The following KYNU variants were observed in gnomAD, a reference collection of about 807,000 sequenced individuals.
The protein encoded by KYNU is kynureninase, also known as L-kynurenine hydrolase.
A neutral mutation model predicts 59.2 loss-of-function variants in KYNU; 54 were observed. The observed-to-expected ratio is 0.91, with a 90% CI of 0.73 to 1.14. The LOEUF (loss-of-function observed/expected upper bound fraction) is 1.14. Ranked by LOEUF, KYNU falls within the 50% of genes most tolerant of loss-of-function variation. The pLI is 0.00. For missense variants in KYNU, 567 were observed against 554.4 expected (o/e 1.02, Z -0.23); for synonymous variants, 177 against 192.0 (o/e 0.92, Z 0.65).
At chr2:142,932,802 G>A (rs1303344698) in intron 4 of KYNU, among the ~76,000 whole-genome samples, 7 of 152,074 alleles carry the variant, frequency 4.6e-5, no homozygotes, top group South Asian at 4.1e-4. Context: ...GCATGCCGGC[G>A]TCCTTGCTGT....
At chr2:143,041,269 T>C (rs1687036705) in intron 13 of KYNU, among the ~76,000 whole-genome samples, 1 of 152,050 alleles carries the variant, frequency 6.6e-6, no homozygotes, top group African/African-American at 2.4e-5. Context: ...CCAATGATTA[T>C]GTAATTAAGG....
At chr2:143,029,584 C>A in intron 10 of KYNU, 43 bp from the exon 11 acceptor site, 3 of 1,377,206 alleles carry the variant, frequency 2.2e-6, no homozygotes, top group Non-Finnish European at 3.1e-6. Flanking sequence ...AGACTCCATC[C>A]AAAAAAACCC....
chr2:143,040,001 G>A (rs1290738855), intron 12 of KYNU, among the ~76,000 whole-genome samples: 1 of 152,046 alleles, frequency 6.6e-6, no homozygotes, highest in Non-Finnish European at 1.5e-5. Flanking sequence ...TAAGGCCCAG[G>A]GAAAGCCTAG....
In KYNU at chr2:142,986,783, C is replaced by G. The variant is rs529633478; in HGVS notation, c.902+762C>G. On this transcript the variant is annotated intron_variant, in intron 10 of 13. Transcript: ENST00000264170. ...GTGTGGTGAGGAGACTGTCTAGACT[C>G]CTAATAGATAATGTAATAATGTTTG... 2.0e-5 allele frequency among the ~76,000 whole-genome samples: 3 copies of G among 151,424 alleles called. No individual in the cohort carries two copies. In the South Asian group the frequency reaches 6.3e-4, roughly 32 times the overall value.
intron 10 of KYNU, among the ~76,000 whole-genome samples, chr2:142,986,284 G>GCCAC (rs1167688055): frequency 7.2e-5 from 11 of 151,818 alleles, no homozygotes; most frequent in Non-Finnish European, 1.2e-4. Flanking sequence ...AAAGCGGATG[G>GCCAC]TTTAATGCAA....
intron 2 of KYNU, among the ~76,000 whole-genome samples, chr2:142,899,865 C>T (rs551900311): frequency 6.6e-6 from 1 of 152,124 alleles, no homozygotes; most frequent in Non-Finnish European, 1.5e-5. Context: ...TTTGAAAAGG[C>T]CTGGTCCAGT....
chr2:143,044,138 A>G lies in KYNU; in HGVS notation c.*1966A>G, dbSNP rs1687127632. The G allele has an allele frequency of 6.6e-6, 1 of 152,140 alleles. No homozygotes were observed. Among genetic ancestry groups the G allele is most frequent in the African/African-American group, 2.4e-5 (1 of 41,416 alleles). 9.4% of individuals were successfully genotyped at this position (152,140 alleles called of 1,614,324 possible). ...GCTGAGAATGATGGTTTCCAGCTTC[A>G]TCCATGTCCCTGCAAAGGACATGAA... is the stretch of plus-strand genomic sequence containing the variant. On this transcript the variant is annotated 3_prime_UTR_variant, in exon 14 of 14. Coordinates refer to ENST00000264170, the MANE Select transcript of KYNU (RefSeq NM_003937.3).
intron 2 of KYNU, among the ~76,000 whole-genome samples, chr2:142,905,400 C>T (rs925015562): frequency 6.6e-6 from 1 of 152,162 alleles, no homozygotes; most frequent in Non-Finnish European, 1.5e-5. Context: ...TTAATGAATA[C>T]CCATTGTGGT....
Position 143,047,844 on chromosome 2 carries a change from C to A in KYNU, c.*5672C>A. The A allele has an allele frequency of 6.6e-6, 1 of 150,758 alleles. No individual in the cohort carries two copies. Among genetic ancestry groups the A allele is most frequent in the Non-Finnish European group, 1.5e-5 (1 of 68,944 alleles). 9.3% of individuals were successfully genotyped at this position (150,758 alleles called of 1,614,324 possible). On this transcript the variant is annotated 3_prime_UTR_variant, in exon 14 of 14. Coordinates refer to ENST00000264170, the MANE Select transcript of KYNU (RefSeq NM_003937.3). ...CCATTACAGGCATAAGCTGCCACTCCTGGACCTCTTTTTTTTTTTTTTTTT... is the reference window on the plus strand; with the variant it reads ...CCATTACAGGCATAAGCTGCCACTCATGGACCTCTTTTTTTTTTTTTTTTT...
chr2:142,946,124 C>T (rs901062751), intron 4 of KYNU, among the ~76,000 whole-genome samples: 15 of 151,888 alleles, frequency 9.9e-5, no homozygotes, highest in African/African-American at 3.6e-4. Flanking sequence ...TGCTCTGTCA[C>T]ACAGGCTGGA....
intron 3 of KYNU, among the ~76,000 whole-genome samples, chr2:142,923,299 T>G (rs1005890708): frequency 3.9e-5 from 6 of 152,236 alleles, no homozygotes; most frequent in Non-Finnish European, 7.3e-5. Context: ...GCATTTTCAT[T>G]TTCAACTCTA....
intron 4 of KYNU, among the ~76,000 whole-genome samples, chr2:142,945,507 T>G (rs1683742121): frequency 1.3e-5 from 2 of 152,212 alleles, no homozygotes; most frequent in Non-Finnish European, 2.9e-5. Flanking sequence ...TCTGCAATTA[T>G]TTCCTCCACC....
intron 10 of KYNU, among the ~76,000 whole-genome samples, 168 bp downstream of exon 10, chr2:142,986,189 CT>C (rs1272881053): frequency 2.0e-5 from 3 of 151,948 alleles, no homozygotes; most frequent in African/African-American, 7.2e-5. Flanking sequence ...GAAATACATG[CT>C]TTCCAAAGAA....
chr2:143,042,366 G>T lies in KYNU; in HGVS notation c.*194G>T. 7.3e-6 allele frequency: 4 copies of T among 549,664 alleles called. No individual in the cohort carries two copies. The highest frequency in any genetic ancestry group is 3.2e-5 in the Admixed American group (1 of 31,064). 34.0% of individuals were successfully genotyped at this position (549,664 alleles called of 1,614,324 possible). On this transcript the variant is annotated 3_prime_UTR_variant, in exon 14 of 14. Transcript: ENST00000264170. ...CTAAGGAGTCCACAGGGCTGCCTAG[G>T]TGCTTTGTGTTTGGGGGACCAAAAC...
intron 7 of KYNU, 59 bp downstream of exon 7, chr2:142,957,774 AT>A (rs1224335506): frequency 9.2e-7 from 1 of 1,089,188 alleles, no homozygotes; most frequent in African/African-American, 1.5e-5. Flanking sequence ...TTTTTTCTTC[AT>A]TTTCCTCAAA....
chr2:143,033,702 A>G (rs921123069), intron 12 of KYNU, among the ~76,000 whole-genome samples: 9 of 152,216 alleles, frequency 5.9e-5, no homozygotes, highest in African/African-American at 2.2e-4. Flanking sequence ...CGCTCATTCA[A>G]CATAAATTTA....
intron 10 of KYNU, among the ~76,000 whole-genome samples, chr2:143,026,984 G>A (rs1048271905): frequency 1.3e-5 from 2 of 152,292 alleles, no homozygotes; most frequent in African/African-American, 4.8e-5. Context: ...AGGATGGGGC[G>A]GGGTGGGGCC....
chr2:142,929,007 C>G (rs367927310), intron 4 of KYNU, among the ~76,000 whole-genome samples: 1 of 48,450 alleles, frequency 2.1e-5, no homozygotes, highest in Non-Finnish European at 3.4e-5. Flanking sequence ...CACCCTGTCT[C>G]AAAAAAAAAA....
At chr2:142,970,050 T>C (rs1684669522) in intron 8 of KYNU, among the ~76,000 whole-genome samples, 1 of 152,174 alleles carries the variant, frequency 6.6e-6, no homozygotes, top group African/African-American at 2.4e-5. Context: ...CTATGTCTCA[T>C]GGCAATAAAA....
Sources: gnomAD v4.1 joint callset for allele counts (sites outside exome capture counted in the v4.1 genomes callset) on GRCh38, gnomAD v4.1.1 for gene constraint, MANE v1.5 for transcripts, NCBI Gene and HGNC (gene_info 2026-07-23, HGNC 2026-07-21) for gene names.